NEO1: variants seen among roughly 807,000 people sequenced by gnomAD.
NEO1 encodes the protein neogenin 1, also known as neogenin.
In NEO1, 63 loss-of-function variants were observed where a neutral mutation model predicts 159.7. That is an observed-to-expected ratio of 0.39 (90% CI 0.32 to 0.49). The LOEUF is 0.49. Ranked by LOEUF, NEO1 falls within the 20% of genes least tolerant of loss-of-function variation. The pLI is 0.85. For synonymous variants in NEO1, 633 were observed against 662.0 expected (o/e 0.96, Z 0.67); for missense variants, 1,615 against 1,831.0 (o/e 0.88, Z 2.15).
chr15:73,140,266 T>C (rs2032251425), intron 5 of NEO1, among the ~76,000 whole-genome samples: 1 of 152,184 alleles, frequency 6.6e-6, no homozygotes, highest in Non-Finnish European at 1.5e-5. Flanking sequence ...TATTAAAAAC[T>C]GTACACTGGC....
chr15:73,298,728 T>G, intron 27 of NEO1, 117 bp downstream of exon 27: 3 of 1,376,408 alleles, frequency 2.2e-6, no homozygotes, highest in South Asian at 2.8e-5. Context: ...CCTCCAAGCC[T>G]ATCTTAGCAA....
chr15:73,057,159 A>T (rs1267878594), intron 1 of NEO1, among the ~76,000 whole-genome samples: 1 of 152,210 alleles, frequency 6.6e-6, no homozygotes, highest in Non-Finnish European at 1.5e-5. Context: ...TTCATAAACT[A>T]TAAAGTACTG....
chr15:73,091,453 A>G (rs994448508), intron 1 of NEO1, among the ~76,000 whole-genome samples: 4 of 152,216 alleles, frequency 2.6e-5, no homozygotes, highest in Non-Finnish European at 4.4e-5. Context: ...CTTAAAAACT[A>G]GAAAATATTT....
At chr15:73,274,078 A>C in intron 20 of NEO1, 73 bp downstream of exon 20, 8 of 1,382,056 alleles carry the variant, frequency 5.8e-6, no homozygotes, top group Non-Finnish European at 8.0e-6. Context: ...TCACTTGAGC[A>C]TATAGAGTCT....
intron 1 of NEO1, among the ~76,000 whole-genome samples, chr15:73,075,940 C>T (rs1567139137): frequency 6.6e-6 from 1 of 152,066 alleles, no homozygotes; most frequent in Non-Finnish European, 1.5e-5. Context: ...TAAGTTGTAA[C>T]CTATTTTTGT....
intron 1 of NEO1, among the ~76,000 whole-genome samples, chr15:73,077,031 A>G (rs2068800628): frequency 6.6e-6 from 1 of 152,078 alleles, no homozygotes; most frequent in African/African-American, 2.4e-5. Context: ...TAACATAGCA[A>G]TTTTTTTAAA....
At chr15:73,068,370 CCTGG>C (rs1159775148) in intron 1 of NEO1, among the ~76,000 whole-genome samples, 1 of 151,962 alleles carries the variant, frequency 6.6e-6, no homozygotes, top group Non-Finnish European at 1.5e-5. Flanking sequence ...CACAACCACA[CCTGG>C]CTAATTTTTG....
intron 18 of NEO1, among the ~76,000 whole-genome samples, chr15:73,271,473 G>A (rs963053386): frequency 5.9e-5 from 9 of 152,312 alleles, no homozygotes; most frequent in Middle Eastern, 3.4e-3. Flanking sequence ...CACAGGAAAC[G>A]TATTGTCCTG....
chr15:73,158,318 G>A (rs899609458), intron 5 of NEO1, among the ~76,000 whole-genome samples: 2 of 138,144 alleles, frequency 1.4e-5, no homozygotes, highest in African/African-American at 5.4e-5. Flanking sequence ...GCATTTCATT[G>A]ACTTTACAGA....
chr15:73,148,055 C>T (rs1280536086), intron 5 of NEO1, among the ~76,000 whole-genome samples: 1 of 152,096 alleles, frequency 6.6e-6, no homozygotes, highest in Non-Finnish European at 1.5e-5. Context: ...TCAAGTGATC[C>T]ACCCACCCCG....
chr15:73,117,073 A>T (rs1037976783), intron 2 of NEO1, among the ~76,000 whole-genome samples: 1 of 152,116 alleles, frequency 6.6e-6, no homozygotes, highest in Non-Finnish European at 1.5e-5. Context: ...CACTTGTCTG[A>T]TGGCTTAATA....
chr15:73,178,399 T>A lies in NEO1; in HGVS notation c.1263T>A (p.Ala421=). 1 of 1,613,818 alleles carries A rather than the reference T, an allele frequency of 6.2e-7. No individual in the cohort carries two copies. Among genetic ancestry groups the A allele is most frequent in the Non-Finnish European group, 8.5e-7 (1 of 1,179,840 alleles). ...IAENDVGNAQ[A]GAQLIILEHA... The stretch of plus-strand genomic sequence containing the variant: ...AAAATGATGTTGGAAATGCACAAGC[T>A]GGAGCCCAACTGATAATCCTTGAAC... Residue 421 remains alanine (A), a synonymous_variant, in exon 7 of 29, where the codon GCT becomes GCA. Transcript: ENST00000261908.
At chr15:73,242,868 G>T (rs541587899) in intron 8 of NEO1, among the ~76,000 whole-genome samples, 1 of 152,120 alleles carries the variant, frequency 6.6e-6, no homozygotes, top group Non-Finnish European at 1.5e-5. Flanking sequence ...AAAGGCAGGC[G>T]CACTCGGTGT....
At chr15:73,168,382 G>GGC (rs1555442758) in intron 5 of NEO1, among the ~76,000 whole-genome samples, 1 of 46,260 alleles carries the variant, frequency 2.2e-5, no homozygotes, top group African/African-American at 5.3e-5. Context: ...CGGGGGGTGG[G>GGC]GGGGGGGGGT....
intron 7 of NEO1, among the ~76,000 whole-genome samples, chr15:73,186,143 A>T (rs1596294072): frequency 1.3e-5 from 2 of 151,976 alleles, no homozygotes; most frequent in East Asian, 3.9e-4. Context: ...AGGAACAAAG[A>T]TAAGAATTGC....
In NEO1 at chr15:73,126,330, A is replaced by G. The variant is rs1596071184; in HGVS notation, c.725-87A>G. ...AGCAGTCCTCCCTCCTCGGCCTCCC[A>G]AAGTATCGGGATTATGGGTGTGAGC... is the stretch of plus-strand genomic sequence containing the variant. On this transcript the variant is annotated intron_variant, in intron 3 of 28. Transcript: ENST00000261908. 3 of 1,272,664 alleles carry G rather than the reference A, an allele frequency of 2.4e-6. No homozygotes were observed. In the African/African-American group the frequency reaches 4.5e-5, roughly 19 times the overall value. The allele number at this position is 1,272,664 out of a possible 1,614,324, so 78.8% of individuals were successfully genotyped here.
At position 73,116,834 on chromosome 15, in the gene NEO1, G is replaced by A; in HGVS notation, c.425G>A (p.Arg142Lys). ...GAGAGTCTTGGAACTATTATCAGTA[G>A]AACAGCGAAGCTCATAGTAGCAGGT... ...TVESLGTIIS[R>K]TAKLIVAGLP... The change falls in exon 2 of 29, where the codon AGA (arginine) becomes AAA (lysine). Residue 142 changes from arginine (R) to lysine (K), a missense_variant. Arg to Lys is a conservative substitution (Grantham distance 26, BLOSUM62 2). Transcript: ENST00000261908. 6.4e-7 allele frequency: 1 copy of A among 1,567,190 alleles called. No individual in the cohort carries two copies. The highest frequency in any genetic ancestry group is 8.6e-7 in the Non-Finnish European group (1 of 1,160,374).
intron 1 of NEO1, among the ~76,000 whole-genome samples, chr15:73,070,460 A>C (rs944164063): frequency 6.6e-6 from 1 of 152,228 alleles, no homozygotes; most frequent in Non-Finnish European, 1.5e-5. Context: ...AGAAATATTT[A>C]AGGAGCATTT....
At chr15:73,081,785 A>G (rs2069061307) in intron 1 of NEO1, among the ~76,000 whole-genome samples, 1 of 151,976 alleles carries the variant, frequency 6.6e-6, no homozygotes, top group East Asian at 1.9e-4. Context: ...TATGTTGCCC[A>G]GGCTGGTCTT....
Sources: gnomAD v4.1 joint callset for allele counts (sites outside exome capture counted in the v4.1 genomes callset) on GRCh38, gnomAD v4.1.1 for gene constraint, MANE v1.5 for transcripts, NCBI Gene and HGNC (gene_info 2026-07-23, HGNC 2026-07-21) for gene names.